The following BABAM2 variants were observed in gnomAD, a reference collection of about 807,000 sequenced individuals.
BABAM2 encodes BRISC and BRCA1 A complex member 2.
In BABAM2, 31 loss-of-function variants were observed where a neutral mutation model predicts 54.7. The observed-to-expected ratio is 0.57, with a 90% CI of 0.43 to 0.77. The LOEUF (loss-of-function observed/expected upper bound fraction) is 0.77. Ranked by LOEUF, BABAM2 falls within the 30% of genes least tolerant of loss-of-function variation. BABAM2 has a pLI of 0.00. For missense variants in BABAM2, 364 were observed against 455.8 expected, an observed-to-expected ratio of 0.80 and a Z score of 1.83; for synonymous variants, 167 against 162.9, an observed-to-expected ratio of 1.03 and a Z score of -0.19.
chr2:27,989,156 G>T (rs72812544), intron 4 of BABAM2, among the ~76,000 whole-genome samples: 6,790 of 151,948 alleles, frequency 0.045, 193 homozygotes, highest in South Asian at 0.1. Context: ...TTTAGATGCT[G>T]TGTGTTACGT....
intron 2 of BABAM2, among the ~76,000 whole-genome samples, chr2:27,918,309 C>A (rs977047256): frequency 2.6e-5 from 4 of 152,114 alleles, no homozygotes; most frequent in African/African-American, 9.7e-5. Context: ...ACTTTAGATA[C>A]CTCATGTAAG....
At chr2:28,047,041 T>C (rs1677635491) in intron 6 of BABAM2, among the ~76,000 whole-genome samples, 2 of 152,206 alleles carry the variant, frequency 1.3e-5, no homozygotes, top group African/African-American at 4.8e-5. Context: ...ATACAGTCCA[T>C]CTAAAGAGGA....
intron 3 of BABAM2, among the ~76,000 whole-genome samples, chr2:27,948,550 C>T (rs1558610993): frequency 2.0e-5 from 3 of 152,188 alleles, no homozygotes; most frequent in Non-Finnish European, 4.4e-5. Context: ...GTGGGTGGAT[C>T]ACCTGAGGTC....
chr2:28,317,252 C>T (rs1200906987), intron 11 of BABAM2, among the ~76,000 whole-genome samples: 1 of 152,140 alleles, frequency 6.6e-6, no homozygotes, highest in Non-Finnish European at 1.5e-5. Context: ...TGGAAAAATC[C>T]AACTCAGAGC....
chr2:28,072,517 C>A (rs1664248673), intron 6 of BABAM2, among the ~76,000 whole-genome samples: 1 of 152,150 alleles, frequency 6.6e-6, no homozygotes, highest in Non-Finnish European at 1.5e-5. Context: ...TCCCAAGTAG[C>A]TGGGACTACA....
intron 10 of BABAM2, among the ~76,000 whole-genome samples, chr2:28,263,131 C>CAAAAAAAAAAA (rs539550619): frequency 1.0e-5 from 1 of 97,810 alleles, no homozygotes. Flanking sequence ...GACACTGTCT[C>CAAAAAAAAAAA]AAAAAAAAAA....
At chr2:28,246,827 A>G (rs1188705020) in intron 10 of BABAM2, among the ~76,000 whole-genome samples, 1 of 152,246 alleles carries the variant, frequency 6.6e-6, no homozygotes, top group Admixed American at 6.5e-5. Flanking sequence ...GTCACTTGCA[A>G]TGATGGTCAG....
chr2:28,187,315 G>A (rs1017593744), intron 7 of BABAM2, among the ~76,000 whole-genome samples: 2 of 152,144 alleles, frequency 1.3e-5, no homozygotes, highest in Non-Finnish European at 2.9e-5. Context: ...GAGGGCAGGA[G>A]CCATGTTGGT....
intron 7 of BABAM2, among the ~76,000 whole-genome samples, chr2:28,136,896 ATGAG>A (rs1278356443): frequency 1.3e-5 from 2 of 152,322 alleles, no homozygotes; most frequent in African/African-American, 2.4e-5. Flanking sequence ...AAAATTATGA[ATGAG>A]TAAGGATATT....
chr2:28,063,632 A>G (rs1679082177), intron 6 of BABAM2, among the ~76,000 whole-genome samples: 1 of 152,224 alleles, frequency 6.6e-6, no homozygotes, highest in South Asian at 2.1e-4. Context: ...ATGATGAGTG[A>G]TAAAGATTTA....
chr2:28,003,068 A>G (rs1310980396), intron 4 of BABAM2, among the ~76,000 whole-genome samples: 3 of 152,202 alleles, frequency 2.0e-5, no homozygotes, highest in Non-Finnish European at 4.4e-5. Flanking sequence ...ATTAGGATTT[A>G]TGTTCCCAAT....
chr2:28,204,273 C>G (rs1378564884), intron 7 of BABAM2, among the ~76,000 whole-genome samples: 1 of 152,010 alleles, frequency 6.6e-6, no homozygotes, highest in Non-Finnish European at 1.5e-5. Context: ...ATTTTTGTAC[C>G]TTTCTAGAGA....
At chr2:28,307,496 G>C (rs1371568312) in intron 11 of BABAM2, among the ~76,000 whole-genome samples, 1 of 150,224 alleles carries the variant, frequency 6.7e-6, no homozygotes, top group Non-Finnish European at 1.5e-5. Context: ...CTGTTGGTGT[G>C]TTAGCTATAT....
intron 7 of BABAM2, among the ~76,000 whole-genome samples, chr2:28,206,391 C>A (rs943568856): frequency 6.6e-6 from 1 of 152,096 alleles, no homozygotes; most frequent in South Asian, 2.1e-4. Context: ...ATGATCCGAG[C>A]TGTGGCCTAA....
chr2:28,020,980 C>CACACAA (rs1464634798), intron 4 of BABAM2, among the ~76,000 whole-genome samples: 3 of 151,804 alleles, frequency 2.0e-5, no homozygotes, highest in Admixed American at 1.3e-4. Context: ...CACACACACA[C>CACACAA]ACACACACAC....
At chr2:28,009,096 C>G (rs958654560) in intron 4 of BABAM2, among the ~76,000 whole-genome samples, 1 of 152,134 alleles carries the variant, frequency 6.6e-6, no homozygotes, top group Non-Finnish European at 1.5e-5. Flanking sequence ...GGCCTTCAAT[C>G]ACAATGAGAA....
chr2:28,267,438 TACACACACACAC>T (rs35450423), intron 10 of BABAM2, among the ~76,000 whole-genome samples: 1,597 of 141,832 alleles, frequency 0.011, 20 homozygotes, highest in African/African-American at 0.041. Flanking sequence ...CACACACACA[TACACACACACAC>T]ACACACACAC....
At chr2:28,230,528 A>G (rs1681278121) in intron 7 of BABAM2, among the ~76,000 whole-genome samples, 3 of 150,366 alleles carry the variant, frequency 2.0e-5, no homozygotes, top group African/African-American at 7.4e-5. Context: ...CAGCCTGGAC[A>G]ACATGGTGAA....
At chr2:28,188,602 A>G (rs1676568698) in intron 7 of BABAM2, among the ~76,000 whole-genome samples, 1 of 152,176 alleles carries the variant, frequency 6.6e-6, no homozygotes, top group African/African-American at 2.4e-5. Flanking sequence ...CAGAGATTGA[A>G]ACGGAAAATG....
Sources: allele counts gnomAD v4.1 joint callset (sites outside exome capture counted in the v4.1 genomes callset), GRCh38; gene constraint gnomAD v4.1.1; transcripts MANE v1.5; gene names NCBI Gene and HGNC (gene_info 2026-07-23, HGNC 2026-07-21).